The following ATP11B variants were observed in gnomAD, a reference collection of about 807,000 sequenced individuals.
The protein encoded by ATP11B is ATPase phospholipid transporting 11B (putative), also known as phospholipid-transporting ATPase IF.
Under a neutral mutation model 157.8 loss-of-function variants are expected in ATP11B, and 81 were observed. The observed-to-expected ratio is 0.51, with a 90% CI of 0.43 to 0.62. ATP11B has a LOEUF of 0.62. ATP11B is among the 20% of genes least tolerant of loss of function. The pLI is 0.00. For synonymous variants in ATP11B, 451 were observed against 469.4 expected, an observed-to-expected ratio of 0.96 and a Z score of 0.51; for missense variants, 1,165 against 1,402.2, an observed-to-expected ratio of 0.83 and a Z score of 2.70.
chr3:182,896,545 T>G (rs2108577536), intron 25 of ATP11B, among the ~76,000 whole-genome samples, 155 bp from the exon 26 acceptor site: 1 of 152,340 alleles, frequency 6.6e-6, no homozygotes, highest in Non-Finnish European at 1.5e-5. Context: ...TATGCTGTTC[T>G]TCTCATACTT....
intron 1 of ATP11B, among the ~76,000 whole-genome samples, chr3:182,811,598 T>C (rs568545936): frequency 6.6e-6 from 1 of 152,260 alleles, no homozygotes; most frequent in South Asian, 2.1e-4. Context: ...TTAGCTATAA[T>C]AGAACTAGTA....
At chr3:182,805,916 A>G (rs917765733) in intron 1 of ATP11B, among the ~76,000 whole-genome samples, 3 of 152,210 alleles carry the variant, frequency 2.0e-5, no homozygotes, top group African/African-American at 4.8e-5. Flanking sequence ...TTTAAACTCA[A>G]TGTTTTTTAG....
intron 4 of ATP11B, among the ~76,000 whole-genome samples, chr3:182,834,716 G>C (rs965981327): frequency 6.6e-6 from 1 of 152,170 alleles, no homozygotes; most frequent in African/African-American, 2.4e-5. Context: ...TGAAATGCTT[G>C]TGTCTGTTTC....
At chr3:182,885,416 A>G (rs796833233) in intron 22 of ATP11B, among the ~76,000 whole-genome samples, 46 of 152,276 alleles carry the variant, frequency 3.0e-4, no homozygotes, top group African/African-American at 1.0e-3. Flanking sequence ...ACTATGTTGC[A>G]TATATTTCTA....
rs763656887 is a variant in ATP11B, at chr3:182,918,063, A to T, written c.3493A>T (p.Ser1165Cys). Residue 1165 changes from serine (S) to cysteine (C), a missense_variant, in exon 30 of 30, where the codon AGC (serine) becomes TGC (cysteine). Ser to Cys is a moderately radical substitution (Grantham distance 112). This residue lies in a region of ATP11B where 303 missense variants were observed against 296.3 expected (regional missense o/e 1.02). Coordinates refer to ENST00000323116, the MANE Select transcript of ATP11B (RefSeq NM_014616.3). ...GGATCCTTTCTATACCAACGACAGG[A>T]GCATCTTGACTCTCTCCACAATGGA... ...ASDPFYTNDRSILTLSTMDSS... is the reference protein window; with the variant it reads ...ASDPFYTNDRCILTLSTMDSS... 1 of 1,613,378 alleles carries T rather than the reference A, an allele frequency of 6.2e-7. No homozygotes were observed. Among genetic ancestry groups the T allele is most frequent in the Admixed American group, 1.7e-5 (1 of 59,982 alleles).
intron 22 of ATP11B, among the ~76,000 whole-genome samples, chr3:182,885,397 C>A (rs534961748): frequency 6.6e-6 from 1 of 152,166 alleles, no homozygotes. Context: ...TTTAATAACA[C>A]CAGAGTGTAC....
intron 2 of ATP11B, among the ~76,000 whole-genome samples, chr3:182,823,546 C>T (rs1576974145): frequency 1.3e-5 from 2 of 152,088 alleles, no homozygotes; most frequent in Admixed American, 6.6e-5. Context: ...AGTCAGGTAG[C>T]GTGATGTCTT....
At position 182,921,478 on chromosome 3, in the gene ATP11B, A is replaced by C. The variant is rs1417603297; in HGVS notation, c.*3374A>C. 1 of 152,218 alleles carries C rather than the reference A, an allele frequency of 6.6e-6. No homozygotes were observed. Among genetic ancestry groups the C allele is most frequent in the Non-Finnish European group, 1.5e-5 (1 of 68,046 alleles). 9.4% of individuals were successfully genotyped at this position (152,218 alleles called of 1,614,324 possible). A position where few individuals can be genotyped will look rare whatever the true frequency, so the allele number is the denominator to read the frequency against. ...GAAATATTGTAGCAATACTTGGTTT[A>C]AAATTTTGGACCTGAGACACTGTGG... is the stretch of plus-strand genomic sequence containing the variant. On this transcript the variant is annotated 3_prime_UTR_variant, in exon 30 of 30. Transcript: ENST00000323116.
intron 28 of ATP11B, among the ~76,000 whole-genome samples, chr3:182,907,326 A>G (rs1298422375): frequency 6.6e-6 from 1 of 152,148 alleles, no homozygotes; most frequent in Non-Finnish European, 1.5e-5. Flanking sequence ...CATATGGGAG[A>G]AGCAGTGATG....
At chr3:182,874,117 C>A in intron 19 of ATP11B, 102 bp downstream of exon 19, 3 of 964,898 alleles carry the variant, frequency 3.1e-6, no homozygotes, top group Non-Finnish European at 3.0e-6. Flanking sequence ...TTTTTACAGC[C>A]TATCAGCTAA....
At chr3:182,829,298 T>A (rs1030639269) in intron 3 of ATP11B, among the ~76,000 whole-genome samples, 7 of 152,196 alleles carry the variant, frequency 4.6e-5, no homozygotes, top group Non-Finnish European at 8.8e-5. Context: ...CTTTCCATAG[T>A]CCCATTCCTA....
chr3:182,830,812 G>A (rs906163547), intron 4 of ATP11B, among the ~76,000 whole-genome samples: 2 of 152,130 alleles, frequency 1.3e-5, no homozygotes, highest in South Asian at 2.1e-4. Flanking sequence ...CTCTAAGTTC[G>A]ATTTTACTTT....
At chr3:182,796,418 C>T (rs143025662) in intron 1 of ATP11B, among the ~76,000 whole-genome samples, 3 of 152,232 alleles carry the variant, frequency 2.0e-5, no homozygotes, top group Non-Finnish European at 4.4e-5. Context: ...TAGACCTGTA[C>T]GGTAGCCATT....
chr3:182,808,790 G>A (rs1468349737), intron 1 of ATP11B, among the ~76,000 whole-genome samples: 1 of 151,964 alleles, frequency 6.6e-6, no homozygotes, highest in Non-Finnish European at 1.5e-5. Context: ...TAGTGGAGAG[G>A]ATTCCTGTAC....
intron 24 of ATP11B, among the ~76,000 whole-genome samples, chr3:182,888,752 T>A (rs1377665052): frequency 1.3e-5 from 2 of 152,076 alleles, no homozygotes; most frequent in Non-Finnish European, 2.9e-5. Context: ...TTTGCCATGT[T>A]GCCCTGGCTG....
At chr3:182,914,082 C>T (rs1037279651) in intron 29 of ATP11B, 88 bp downstream of exon 29, 3 of 1,560,826 alleles carry the variant, frequency 1.9e-6, no homozygotes, top group Non-Finnish European at 2.6e-6. Flanking sequence ...CCTAATAAAT[C>T]AGCAGCTGGT....
chr3:182,886,786 A>G (rs1463473392), intron 23 of ATP11B, among the ~76,000 whole-genome samples: 4 of 152,136 alleles, frequency 2.6e-5, no homozygotes, highest in African/African-American at 9.7e-5. Flanking sequence ...TGAAAAAACA[A>G]GAGCTTAATT....
At chr3:182,830,322 C>CAAA (rs5854958) in intron 4 of ATP11B, among the ~76,000 whole-genome samples, 4 of 99,230 alleles carry the variant, frequency 4.0e-5, no homozygotes, top group African/African-American at 1.3e-4. Context: ...GATCCTGTCT[C>CAAA]AAAAAAAAAA....
intron 1 of ATP11B, among the ~76,000 whole-genome samples, chr3:182,793,990 C>T (rs1715423436): frequency 6.6e-6 from 1 of 151,784 alleles, no homozygotes; most frequent in Non-Finnish European, 1.5e-5. Context: ...GCCCGGGCCG[C>T]CGAGGCTGGC....
Sources: allele counts gnomAD v4.1 joint callset (sites outside exome capture counted in the v4.1 genomes callset), GRCh38; gene constraint gnomAD v4.1.1; regional missense constraint gnomAD v4.1.1; transcripts MANE v1.5; gene names NCBI Gene and HGNC (gene_info 2026-07-23, HGNC 2026-07-21).